CD36: variants seen among roughly 807,000 people sequenced by gnomAD.
The protein encoded by CD36 is platelet glycoprotein 4.
In CD36, 119 loss-of-function variants were observed where a neutral mutation model predicts 55.2. The observed-to-expected ratio is 2.15, with a 90% CI of 1.86 to 2.51. The LOEUF (loss-of-function observed/expected upper bound fraction) is 2.51, where lower values mean the gene tolerates loss of function less well. Among genes scored for constraint, CD36 ranks in the 30% most tolerant of loss-of-function variants. The pLI is 0.00. For synonymous variants in CD36, 186 were observed against 193.6 expected (o/e 0.96, Z 0.33); for missense variants, 819 against 555.5 (o/e 1.47, Z -4.77).
At chr7:80,613,923 G>A (rs552387275) in intron 1 of CD36, among the ~76,000 whole-genome samples, 3 of 152,200 alleles carry the variant, frequency 2.0e-5, no homozygotes, top group African/African-American at 7.2e-5. Flanking sequence ...TAGCTAATGT[G>A]CTTTTGGGTG....
intron 3 of CD36, among the ~76,000 whole-genome samples, chr7:80,652,694 C>T (rs1299732278): frequency 1.3e-5 from 2 of 152,078 alleles, no homozygotes; most frequent in African/African-American, 4.8e-5. Context: ...ATAATTGTCA[C>T]AGGATATTAT....
At chr7:80,666,132 A>G (rs1390570214) in intron 7 of CD36, 2 of 332,556 alleles carry the variant, frequency 6.0e-6, no homozygotes, top group Non-Finnish European at 1.1e-5. Context: ...TTGGAAAAAA[A>G]AAAATTTCCC....
intron 14 of CD36, 139 bp downstream of exon 14, chr7:80,674,286 T>A: frequency 1.6e-6 from 1 of 631,748 alleles, no homozygotes; most frequent in Non-Finnish European, 2.8e-6. Context: ...TAAATATAGG[T>A]AAATAAACCT....
chr7:80,673,421 C>A lies in CD36; in HGVS notation c.1254+12C>A. On this transcript the variant is annotated intron_variant, in intron 13 of 14. Transcript: ENST00000447544. ...TTTGGCTTAATGAGGTTTGTATTTG[C>A]AGCTGTTAGTCATTAAAAACAACCT... 6.5e-7 allele frequency: 1 copy of A among 1,531,426 alleles called. No homozygotes were observed. The highest frequency in any genetic ancestry group is 9.0e-7 in the Non-Finnish European group (1 of 1,105,644). 94.9% of individuals were successfully genotyped at this position (1,531,426 alleles called of 1,614,324 possible).
At chr7:80,670,945 C>T (rs757357849) in intron 9 of CD36, 32 bp from the exon 10 acceptor site, 1 of 1,513,948 alleles carries the variant, frequency 6.6e-7, no homozygotes, top group Non-Finnish European at 9.2e-7. Context: ...GTTCAGGTTC[C>T]TGGAATGCAG....
chr7:80,603,769 C>CA (rs371964967), intron 1 of CD36, among the ~76,000 whole-genome samples: 1,675 of 94,238 alleles, frequency 0.018, 26 homozygotes, highest in African/African-American at 0.038. Context: ...TACAGTCAGG[C>CA]AAAAAAAAAA....
intron 1 of CD36, among the ~76,000 whole-genome samples, chr7:80,642,381 T>C (rs1486266863): frequency 6.6e-6 from 1 of 152,184 alleles, no homozygotes; most frequent in Non-Finnish European, 1.5e-5. Context: ...AATTTTTTTA[T>C]GCTTTAGACA....
rs868339005 is a variant in CD36 at position 80,661,944 on chromosome 7, G to T, written c.429+734G>T. Reference sequence around the variant, plus strand: ...ACAGGGGGTGCCGTCCAAATTCATGGCAAATAAAGGGCATTTGGTGCTCAC... The same window carrying T: ...ACAGGGGGTGCCGTCCAAATTCATGTCAAATAAAGGGCATTTGGTGCTCAC... On this transcript the variant is annotated intron_variant, in intron 5 of 14. Transcript: ENST00000447544. Among the ~76,000 whole-genome samples the T allele has an allele frequency of 1.4e-4, 22 of 152,266 alleles. No individual in the cohort carries two copies. In the South Asian group the frequency reaches 3.5e-3, roughly 24 times the overall value.
chr7:80,626,565 AATAG>A (rs1173123087), intron 1 of CD36, among the ~76,000 whole-genome samples: 2 of 152,072 alleles, frequency 1.3e-5, no homozygotes, highest in South Asian at 2.1e-4. Flanking sequence ...CTATCCAATT[AATAG>A]ATAAATTTAT....
chr7:80,653,493 AG>A (rs1204692341), intron 3 of CD36, among the ~76,000 whole-genome samples: 2 of 152,310 alleles, frequency 1.3e-5, no homozygotes, highest in East Asian at 3.9e-4. Flanking sequence ...ACCCAGCTAT[AG>A]AACATGCTAT....
intron 5 of CD36, among the ~76,000 whole-genome samples, chr7:80,661,789 TTAA>T (rs1796551152): frequency 6.6e-6 from 1 of 152,076 alleles, no homozygotes; most frequent in Non-Finnish European, 1.5e-5. Flanking sequence ...TCAATATAAT[TTAA>T]GGGAAAATAA....
At chr7:80,612,419 A>G (rs999466209) in intron 1 of CD36, among the ~76,000 whole-genome samples, 1 of 152,240 alleles carries the variant, frequency 6.6e-6, no homozygotes, top group African/African-American at 2.4e-5. Context: ...TGCCTTTGGC[A>G]TATATAAAAT....
intron 6 of CD36, 104 bp from the exon 7 acceptor site, chr7:80,664,302 C>T: frequency 1.4e-6 from 1 of 734,140 alleles, no homozygotes; most frequent in Non-Finnish European, 2.5e-6. Context: ...TATTTCAAGT[C>T]ATTTGAGTAA....
At chr7:80,615,499 A>G (rs1793099647) in intron 1 of CD36, among the ~76,000 whole-genome samples, 1 of 151,942 alleles carries the variant, frequency 6.6e-6, no homozygotes, top group African/African-American at 2.4e-5. Flanking sequence ...CCCTTTTTCC[A>G]TCTTCTGTGA....
intron 1 of CD36, among the ~76,000 whole-genome samples, chr7:80,609,944 G>C (rs948575865): frequency 6.6e-6 from 1 of 152,164 alleles, no homozygotes; most frequent in Non-Finnish European, 1.5e-5. Context: ...TGTAGGCAAA[G>C]GGTTGAGGAC....
At chr7:80,640,252 T>A (rs555680951) in intron 1 of CD36, among the ~76,000 whole-genome samples, 50 of 152,142 alleles carry the variant, frequency 3.3e-4, no homozygotes, top group African/African-American at 1.2e-3. Flanking sequence ...ACATATATGA[T>A]CACATTTCAT....
intron 7 of CD36, chr7:80,665,809 A>C (rs1199133143): frequency 6.6e-6 from 1 of 152,152 alleles, no homozygotes; most frequent in Non-Finnish European, 1.5e-5. Flanking sequence ...AAAAGTGAGG[A>C]TGCAGGGAAA....
At chr7:80,631,284 T>G (rs566622143) in intron 1 of CD36, among the ~76,000 whole-genome samples, 1 of 152,038 alleles carries the variant, frequency 6.6e-6, no homozygotes, top group South Asian at 2.1e-4. Flanking sequence ...ATGAGGATGA[T>G]AGACACTTTC....
At chr7:80,616,965 A>G (rs1793199065) in intron 1 of CD36, among the ~76,000 whole-genome samples, 1 of 152,196 alleles carries the variant, frequency 6.6e-6, no homozygotes, top group Non-Finnish European at 1.5e-5. Flanking sequence ...ATTTTGTTAT[A>G]TGCTTGCTAT....
Sources: allele counts gnomAD v4.1 joint callset (sites outside exome capture counted in the v4.1 genomes callset), GRCh38; gene constraint gnomAD v4.1.1; transcripts MANE v1.5; gene names NCBI Gene and HGNC (gene_info 2026-07-23, HGNC 2026-07-21).